Variants in CCDC85A observed in about 807,000 individuals in gnomAD.
The protein encoded by CCDC85A is coiled-coil domain-containing protein 85A.
A neutral mutation model predicts 50.2 loss-of-function variants in CCDC85A; 38 were observed. The observed-to-expected ratio is 0.76, with a 90% CI of 0.58 to 0.99. The LOEUF is 0.99. Among genes scored for constraint, CCDC85A ranks in the 50% least tolerant of loss-of-function variants. The probability of loss-of-function intolerance (pLI) is 0.00; values close to 1 mark genes in which losing one functional copy is unlikely to be tolerated. For missense variants in CCDC85A, 820 were observed against 742.0 expected (o/e 1.11, Z -1.22); for synonymous variants, 366 against 301.4 (o/e 1.21, Z -2.22).
intron 2 of CCDC85A, among the ~76,000 whole-genome samples, chr2:56,255,829 G>T (rs1456347282): frequency 6.6e-6 from 1 of 152,090 alleles, no homozygotes; most frequent in African/African-American, 2.4e-5. Context: ...GGTACAGAAT[G>T]AAAGAGAGAA....
chr2:56,257,785 G>T (rs771681084), intron 2 of CCDC85A, among the ~76,000 whole-genome samples: 1 of 152,208 alleles, frequency 6.6e-6, no homozygotes, highest in East Asian at 1.9e-4. Context: ...CATGAGAAAT[G>T]ATGAGGATCT....
At chr2:56,341,382 G>T (rs1428871322) in intron 2 of CCDC85A, among the ~76,000 whole-genome samples, 1 of 152,052 alleles carries the variant, frequency 6.6e-6, no homozygotes, top group African/African-American at 2.4e-5. Context: ...CGTGATGGTT[G>T]CCTGACATTC....
chr2:56,215,944 CATAA>C (rs1370026159), intron 2 of CCDC85A, among the ~76,000 whole-genome samples: 1 of 151,732 alleles, frequency 6.6e-6, no homozygotes, highest in African/African-American at 2.4e-5. Flanking sequence ...CTTCATTGTC[CATAA>C]ATAAAGTGTA....
At chr2:56,384,173 T>G (rs953365344) in intron 5 of CCDC85A, 93 bp from the exon 6 acceptor site, 20 of 1,082,328 alleles carry the variant, frequency 1.8e-5, no homozygotes, top group Admixed American at 1.2e-4. Context: ...CTTTACTTCA[T>G]CTTCGCTCCT....
At chr2:56,352,527 A>T (rs897536408) in intron 3 of CCDC85A, among the ~76,000 whole-genome samples, 3 of 151,938 alleles carry the variant, frequency 2.0e-5, no homozygotes, top group African/African-American at 7.3e-5. Context: ...TGCATTTTTA[A>T]TAGAGACGGG....
At chr2:56,382,806 A>C (rs1676652165) in intron 5 of CCDC85A, among the ~76,000 whole-genome samples, 1 of 152,018 alleles carries the variant, frequency 6.6e-6, no homozygotes. Context: ...GTAACCAGCT[A>C]GTGCTGGTGT....
At chr2:56,368,404 A>G (rs758469740) in intron 3 of CCDC85A, among the ~76,000 whole-genome samples, 3 of 152,128 alleles carry the variant, frequency 2.0e-5, no homozygotes, top group Non-Finnish European at 4.4e-5. Context: ...CAGTTTTACA[A>G]TATGTCAGAA....
At chr2:56,380,573 A>T (rs990612992) in intron 5 of CCDC85A, among the ~76,000 whole-genome samples, 9 of 151,894 alleles carry the variant, frequency 5.9e-5, no homozygotes, top group African/African-American at 2.2e-4. Flanking sequence ...AAAAAAAACA[A>T]CAACAACAGG....
At chr2:56,201,586 A>T (rs1046197999) in intron 2 of CCDC85A, among the ~76,000 whole-genome samples, 1 of 152,164 alleles carries the variant, frequency 6.6e-6, no homozygotes, top group Non-Finnish European at 1.5e-5. Flanking sequence ...CTAAGTGTCC[A>T]TAATTGCTAG....
intron 2 of CCDC85A, among the ~76,000 whole-genome samples, chr2:56,240,393 C>G (rs981768937): frequency 1.6e-4 from 24 of 152,246 alleles, no homozygotes; most frequent in African/African-American, 5.5e-4. Flanking sequence ...CCAGCACTCT[C>G]GAGCCACCTG....
chr2:56,382,431 G>T (rs1386851947), intron 5 of CCDC85A, among the ~76,000 whole-genome samples: 1 of 151,940 alleles, frequency 6.6e-6, no homozygotes, highest in Non-Finnish European at 1.5e-5. Flanking sequence ...CATCATGTGG[G>T]TTAGTATGTA....
At chr2:56,288,986 A>G (rs1439445953) in intron 2 of CCDC85A, among the ~76,000 whole-genome samples, 3 of 152,210 alleles carry the variant, frequency 2.0e-5, no homozygotes, top group African/African-American at 7.2e-5. Context: ...CATGGCAGTA[A>G]GAGTTTCAAT....
rs1670344959 is a variant in CCDC85A at position 56,264,332 on chromosome 2, A to G, written c.1240+70892A>G. 2.0e-5 allele frequency among the ~76,000 whole-genome samples: 3 copies of G among 152,046 alleles called. No homozygotes were observed. In the South Asian group the frequency reaches 6.2e-4, roughly 32 times the overall value. On this transcript the variant is annotated intron_variant, in intron 2 of 5. Transcript: ENST00000407595. ...CTAAAATCAAGCTTCTAATATTCCC[A>G]TCTTCCCCAAAACTGCTCCCCTGGC...
At chr2:56,257,643 T>C (rs1056951286) in intron 2 of CCDC85A, among the ~76,000 whole-genome samples, 15 of 152,142 alleles carry the variant, frequency 9.9e-5, no homozygotes, top group Admixed American at 9.8e-4. Flanking sequence ...GACACTCTTT[T>C]GAGTGGAGGA....
chr2:56,186,416 T>A (rs547737314), intron 1 of CCDC85A, among the ~76,000 whole-genome samples: 6 of 152,230 alleles, frequency 3.9e-5, no homozygotes, highest in African/African-American at 1.4e-4. Context: ...TTTCTGAGGG[T>A]GTTATGGCAA....
Position 56,333,844 on chromosome 2 carries a change from C to T in CCDC85A, c.1241-9035C>T, listed in dbSNP as rs553604775. On this transcript the variant is annotated intron_variant, in intron 2 of 5. Coordinates refer to ENST00000407595, the MANE Select transcript of CCDC85A (RefSeq NM_001080433.2). The stretch of plus-strand genomic sequence containing the variant: ...TAAAACTAGGTCTAAATATAAACAG[C>T]CAAAAAGAGCACAAGGCTTTAAAAA... Among the ~76,000 whole-genome samples the T allele has an allele frequency of 9.9e-5, 15 of 152,164 alleles. No individual in the cohort carries two copies. In the East Asian group the frequency reaches 2.9e-3, roughly 29 times the overall value.
intron 2 of CCDC85A, among the ~76,000 whole-genome samples, chr2:56,219,487 T>C (rs1323690599): frequency 2.6e-5 from 4 of 151,756 alleles, no homozygotes; most frequent in African/African-American, 9.7e-5. Flanking sequence ...CCTATTCTGC[T>C]GCAATGACAA....
At chr2:56,254,171 AG>A (rs1171205124) in intron 2 of CCDC85A, among the ~76,000 whole-genome samples, 2 of 152,104 alleles carry the variant, frequency 1.3e-5, no homozygotes, top group Non-Finnish European at 1.5e-5. Context: ...GTAATTGTTC[AG>A]GTATTTGAAG....
At chr2:56,329,519 G>C (rs1448380904) in intron 2 of CCDC85A, among the ~76,000 whole-genome samples, 1 of 152,148 alleles carries the variant, frequency 6.6e-6, no homozygotes, top group African/African-American at 2.4e-5. Flanking sequence ...CAAAGTATGT[G>C]CTAATTTAGA....
Sources: allele counts gnomAD v4.1 joint callset (sites outside exome capture counted in the v4.1 genomes callset), GRCh38; gene constraint gnomAD v4.1.1; transcripts MANE v1.5; gene names NCBI Gene and HGNC (gene_info 2026-07-23, HGNC 2026-07-21).